The following MCC variants were observed in gnomAD, a reference collection of about 807,000 sequenced individuals.
MCC encodes the protein colorectal mutant cancer protein.
A neutral mutation model predicts 116.2 loss-of-function variants in MCC; 90 were observed. The observed-to-expected ratio is 0.77, with a 90% confidence interval of 0.65 to 0.92. MCC has a LOEUF of 0.92. Ranked by LOEUF, MCC falls within the 40% of genes least tolerant of loss-of-function variation. MCC has a pLI of 0.00. For synonymous variants in MCC, 578 were observed against 510.5 expected (o/e 1.13, Z -1.78); for missense variants, 1,516 against 1,312.2 (o/e 1.16, Z -2.40).
At chr5:113,084,064 C>T (rs758597916) in intron 10 of MCC, 37 bp downstream of exon 10, 33 of 1,516,488 alleles carry the variant, frequency 2.2e-5, no homozygotes, top group Admixed American at 1.8e-4. Context: ...GTAGCTCTGC[C>T]GGGTACTTTC....
intron 3 of MCC, among the ~76,000 whole-genome samples, chr5:113,214,092 A>G (rs894731114): frequency 1.3e-5 from 2 of 152,228 alleles, no homozygotes; most frequent in South Asian, 4.1e-4. Flanking sequence ...CATATTCCGG[A>G]CTTAAAATAC....
rs376355753 is a variant in MCC, at chr5:113,143,195, A to G, written c.884+23T>C. The G allele has an allele frequency of 2.5e-6, 4 of 1,577,100 alleles. No homozygotes were observed. In the African/African-American group the frequency reaches 4.1e-5, roughly 16 times the overall value. On this transcript the variant is annotated intron_variant, in intron 5 of 18. Coordinates refer to ENST00000408903, the MANE Select transcript of MCC (RefSeq NM_001085377.2). The stretch of plus-strand genomic sequence containing the variant: ...GAGGGTTTAGCAGAAGGGGCAGAGT[A>G]AAAGCCGAATGGAGCCGCGTACCTG...
At chr5:113,044,853 C>T (rs955546914) in intron 16 of MCC, among the ~76,000 whole-genome samples, 11 of 152,170 alleles carry the variant, frequency 7.2e-5, no homozygotes, top group African/African-American at 1.9e-4. Flanking sequence ...GGATCACAGG[C>T]GTGAGCCACC....
At chr5:113,081,666 T>A (rs4235789) in intron 11 of MCC, among the ~76,000 whole-genome samples, 1 of 152,078 alleles carries the variant, frequency 6.6e-6, no homozygotes, top group Non-Finnish European at 1.5e-5. Context: ...GCAGTGATAC[T>A]GAAAAGACTG....
At chr5:113,085,085 T>A (rs1220016828) in intron 9 of MCC, 79 bp downstream of exon 9, 14 of 1,598,318 alleles carry the variant, frequency 8.8e-6, no homozygotes, top group Non-Finnish European at 6.9e-6. Context: ...GGCATGCCTG[T>A]ACAGTGGCTA....
intron 1 of MCC, among the ~76,000 whole-genome samples, chr5:113,469,195 T>C: frequency 6.6e-6 from 1 of 152,246 alleles, no homozygotes; most frequent in Non-Finnish European, 1.5e-5. Flanking sequence ...AGTTCTGCTC[T>C]GATCTTAGTT....
chr5:113,237,890 T>G (rs1033680491), intron 3 of MCC, among the ~76,000 whole-genome samples: 1 of 152,224 alleles, frequency 6.6e-6, no homozygotes. Flanking sequence ...GTATCAGAGT[T>G]GTATTATTTT....
Position 113,286,644 on chromosome 5 carries a change from G to A in MCC, c.627+53875C>T, listed in dbSNP as rs562484085. ...CACCACACAAATTTCCCAGTTCAAT[G>A]GGCTTTTTTATTGCTTATTTACAAA... On this transcript the variant is annotated intron_variant, in intron 3 of 18. Coordinates refer to ENST00000408903, the MANE Select transcript of MCC (RefSeq NM_001085377.2). 1.1e-4 allele frequency among the ~76,000 whole-genome samples: 16 copies of A among 152,176 alleles called. No individual in the cohort carries two copies. In the East Asian group the frequency reaches 3.1e-3, roughly 29 times the overall value.
chr5:113,097,312 T>C (rs1756085739), intron 8 of MCC, among the ~76,000 whole-genome samples: 1 of 152,214 alleles, frequency 6.6e-6, no homozygotes, highest in African/African-American at 2.4e-5. Flanking sequence ...ATCAGTGTTC[T>C]ATTTCTATGT....
At chr5:113,391,086 C>T (rs1324461486) in intron 1 of MCC, among the ~76,000 whole-genome samples, 1 of 152,120 alleles carries the variant, frequency 6.6e-6, no homozygotes, top group Non-Finnish European at 1.5e-5. Flanking sequence ...TTCATCATTG[C>T]TTCTTACGAA....
At chr5:113,407,510 T>C (rs255858) in intron 1 of MCC, among the ~76,000 whole-genome samples, 95,387 of 152,064 alleles carry the variant, frequency 0.63, 32,602 homozygotes, top group African/African-American at 0.91. Context: ...TGAGCCAGTG[T>C]CTCCCCTACA....
At position 113,084,135 on chromosome 5, in the gene MCC, C is replaced by A. The variant is rs146838176; in HGVS notation, c.1601G>T (p.Arg534Leu). 2 of 1,614,000 alleles carry A rather than the reference C, an allele frequency of 1.2e-6. No homozygotes were observed. The highest frequency in any genetic ancestry group is 2.7e-5 in the African/African-American group (2 of 74,924). Residue 534 changes from arginine (R) to leucine (L), a missense_variant, in exon 10 of 19, where the codon CGG (arginine) becomes CTG (leucine). Coordinates refer to ENST00000408903, the MANE Select transcript of MCC (RefSeq NM_001085377.2). ...KTRSESSSSD[R>L]PVLGSEISSI... is the part of the protein sequence containing the mutation. ...ACTGATTTCTGAGCCCAGGACTGGC[C>A]GATCAGATGATGACGATTCGGACCT... is the stretch of plus-strand genomic sequence containing the variant.
intron 3 of MCC, among the ~76,000 whole-genome samples, chr5:113,236,685 A>G (rs1764143309): frequency 6.6e-6 from 1 of 152,196 alleles, no homozygotes; most frequent in Non-Finnish European, 1.5e-5. Flanking sequence ...AGTCACTCTG[A>G]GGTACAATAA....
chr5:113,066,088 G>C (rs1309887719), intron 13 of MCC, among the ~76,000 whole-genome samples: 4 of 152,204 alleles, frequency 2.6e-5, no homozygotes, highest in Admixed American at 6.5e-5. Context: ...TATTATAAAT[G>C]TATACATGAA....
At chr5:113,375,615 T>C (rs1280860112) in intron 2 of MCC, among the ~76,000 whole-genome samples, 1 of 152,166 alleles carries the variant, frequency 6.6e-6, no homozygotes, top group East Asian at 1.9e-4. Flanking sequence ...TGACAGGGGC[T>C]GGAGGGACTA....
chr5:113,481,194 A>T (rs1276864410), intron 1 of MCC, among the ~76,000 whole-genome samples: 1 of 152,194 alleles, frequency 6.6e-6, no homozygotes, highest in Non-Finnish European at 1.5e-5. Context: ...TTATATATGT[A>T]CAAGAGTGCA....
Position 113,395,504 on chromosome 5 carries a change from A to C in MCC, c.171-10292T>G, listed in dbSNP as rs980705499. Among the ~76,000 whole-genome samples, 28 of 152,218 alleles carry C rather than the reference A, an allele frequency of 1.8e-4. 1 individual carries two copies. Among genetic ancestry groups the C allele is most frequent in the Non-Finnish European group, 4.0e-4 (27 of 68,038 alleles). ...ACTCTATGTTCACCTTATCTTATTT[A>C]AAGTGCCAATTTACTGAGCACCAGG... On this transcript the variant is annotated intron_variant, in intron 1 of 18. Coordinates refer to ENST00000408903, the MANE Select transcript of MCC (RefSeq NM_001085377.2).
chr5:113,192,606 T>C (rs1762200793), intron 3 of MCC, among the ~76,000 whole-genome samples: 1 of 152,250 alleles, frequency 6.6e-6, no homozygotes, highest in Non-Finnish European at 1.5e-5. Flanking sequence ...TGATGTGCAA[T>C]TTAACAAGCT....
At chr5:113,090,452 C>A (rs1369247804) in intron 8 of MCC, among the ~76,000 whole-genome samples, 1 of 151,750 alleles carries the variant, frequency 6.6e-6, no homozygotes, top group East Asian at 2.0e-4. Context: ...TTTCTTCCAA[C>A]TCTAGAGACC....
Sources: allele counts gnomAD v4.1 joint callset (sites outside exome capture counted in the v4.1 genomes callset), GRCh38; gene constraint gnomAD v4.1.1; transcripts MANE v1.5; gene names NCBI Gene and HGNC (gene_info 2026-07-23, HGNC 2026-07-21).